CDH8: variants seen among roughly 807,000 people sequenced by gnomAD.
The protein encoded by CDH8 is cadherin-8.
In CDH8, 17 loss-of-function variants were observed where a neutral mutation model predicts 68.1. The observed-to-expected ratio is 0.25, with a 90% confidence interval of 0.17 to 0.37. The LOEUF is 0.37. CDH8 is among the 10% of genes least tolerant of loss of function. The pLI, the probability that CDH8 is intolerant of heterozygous loss-of-function variation, is 1.00. For synonymous variants in CDH8, 372 were observed against 365.1 expected (o/e 1.02, Z -0.21); for missense variants, 763 against 999.3 (o/e 0.76, Z 3.19).
At chr16:61,708,057 G>A (rs930596613) in intron 10 of CDH8, among the ~76,000 whole-genome samples, 20 of 152,062 alleles carry the variant, frequency 1.3e-4, no homozygotes, top group Admixed American at 6.6e-5. Flanking sequence ...AGAAAGCAAA[G>A]TACTCAAAGG....
intron 10 of CDH8, among the ~76,000 whole-genome samples, chr16:61,658,082 T>G (rs1963485543): frequency 6.6e-6 from 1 of 152,084 alleles, no homozygotes. Context: ...ACTCATCTAT[T>G]TTTGTTTTTG....
chr16:61,778,735 G>A (rs1186462332), intron 8 of CDH8, among the ~76,000 whole-genome samples: 1 of 152,096 alleles, frequency 6.6e-6, no homozygotes, highest in African/African-American at 2.4e-5. Flanking sequence ...AGGAAACTGA[G>A]AGTAAAAGAG....
rs993615683 is a variant in CDH8, at chr16:61,653,353, G to T, written c.*255C>A. 9 of 1,245,570 alleles carry T rather than the reference G, an allele frequency of 7.2e-6. No homozygotes were observed. Among genetic ancestry groups the T allele is most frequent in the South Asian group, 6.4e-5 (2 of 31,018 alleles). The allele number at this position is 1,245,570 out of a possible 1,614,324, so 77.2% of individuals were successfully genotyped here. On this transcript the variant is annotated 3_prime_UTR_variant, in exon 12 of 12. Transcript: ENST00000577390. ...CCCAATCTTTGTCTGTGGTGGTCAG[G>T]TAAATATCAAATATCCAAGGACTTC...
At chr16:61,741,014 TAAAG>T (rs1959859991) in intron 8 of CDH8, among the ~76,000 whole-genome samples, 1 of 152,178 alleles carries the variant, frequency 6.6e-6, no homozygotes, top group African/African-American at 2.4e-5. Flanking sequence ...AGCACTGTAC[TAAAG>T]ATCAAGCTGC....
intron 2 of CDH8, among the ~76,000 whole-genome samples, chr16:61,939,857 C>T (rs1046147208): frequency 6.6e-6 from 1 of 152,124 alleles, no homozygotes; most frequent in African/African-American, 2.4e-5. Context: ...CATTATTTGT[C>T]ACATGGCACA....
chr16:61,796,989 T>C (rs968453793), intron 7 of CDH8, among the ~76,000 whole-genome samples: 2 of 152,090 alleles, frequency 1.3e-5, no homozygotes, highest in African/African-American at 2.4e-5. Flanking sequence ...ACTGTTGATA[T>C]TAAATAGAAA....
chr16:61,745,038 A>G (rs1596924816), intron 8 of CDH8, among the ~76,000 whole-genome samples: 1 of 139,340 alleles, frequency 7.2e-6, no homozygotes, highest in Non-Finnish European at 1.5e-5. Flanking sequence ...TTTTTTTTTT[A>G]GAAAAATATA....
chr16:61,647,735 A>G lies in CDH8; in HGVS notation c.*5873T>C. 3 of 692,742 alleles carry G rather than the reference A, an allele frequency of 4.3e-6. No homozygotes were observed. Among genetic ancestry groups the G allele is most frequent in the Middle Eastern group, 2.3e-4 (1 of 4,266 alleles). The allele number at this position is 692,742 out of a possible 1,614,324, so 42.9% of individuals were successfully genotyped here. A position where few individuals can be genotyped will look rare whatever the true frequency, so the allele number is the denominator to read the frequency against. ...ATGGCCTGAAGTTCTTTGCATGTAC[A>G]GAAGAAATCCCAAGAAATTAACATT... On this transcript the variant is annotated 3_prime_UTR_variant, in exon 12 of 12. Coordinates refer to ENST00000577390, the MANE Select transcript of CDH8 (RefSeq NM_001796.5).
intron 10 of CDH8, among the ~76,000 whole-genome samples, chr16:61,706,414 G>C (rs933086806): frequency 6.6e-6 from 1 of 151,932 alleles, no homozygotes; most frequent in Non-Finnish European, 1.5e-5. Flanking sequence ...TCAGGAGATC[G>C]AGACCATCCT....
chr16:61,653,845 G>A lies in CDH8; in HGVS notation c.2163C>T (p.Val721=). The A allele has an allele frequency of 4.3e-6, 7 of 1,614,130 alleles. No individual in the cohort carries two copies. Among genetic ancestry groups the A allele is most frequent in the Non-Finnish European group, 5.9e-6 (7 of 1,180,026 alleles). ...GCAGCCTTACATTTATAAATTCATC[G>A]ACATCAACACCATTTGGAACTGGAG... ...GLAPVPNGVD[V]DEFINVRLHE... The change falls in exon 12 of 12, where the codon GTC becomes GTT. Residue 721 remains valine, a synonymous_variant. Coordinates refer to ENST00000577390, the MANE Select transcript of CDH8 (RefSeq NM_001796.5).
intron 2 of CDH8, among the ~76,000 whole-genome samples, chr16:61,954,486 G>C (rs2143603396): frequency 6.6e-6 from 1 of 152,160 alleles, no homozygotes. Flanking sequence ...TGGATCACAA[G>C]GTCAGGAGAT....
At chr16:61,727,339 T>C in intron 8 of CDH8, 124 bp from the exon 9 acceptor site, 2 of 971,722 alleles carry the variant, frequency 2.1e-6, no homozygotes, top group Non-Finnish European at 3.1e-6. Flanking sequence ...TTCAACATGG[T>C]GATTATAGAG....
At chr16:61,921,797 T>G (rs1964372577) in intron 2 of CDH8, among the ~76,000 whole-genome samples, 1 of 152,144 alleles carries the variant, frequency 6.6e-6, no homozygotes, top group African/African-American at 2.4e-5. Context: ...TTTGGGAGGC[T>G]GAGGCAGGCA....
At chr16:61,727,364 A>G in intron 8 of CDH8, 149 bp from the exon 9 acceptor site, 1 of 716,132 alleles carries the variant, frequency 1.4e-6, no homozygotes, top group Non-Finnish European at 2.2e-6. Flanking sequence ...ACCAAATAAG[A>G]AAAATAGCAA....
At chr16:61,701,674 G>A (rs552111987) in intron 10 of CDH8, among the ~76,000 whole-genome samples, 1 of 152,092 alleles carries the variant, frequency 6.6e-6, no homozygotes. Context: ...GCAAGATACG[G>A]GAAGAGCAAA....
In CDH8 at chr16:61,821,124, A is replaced by T; in HGVS notation, c.836-11T>A. 1 of 1,587,940 alleles carries T rather than the reference A, an allele frequency of 6.3e-7. No homozygotes were observed. The highest frequency in any genetic ancestry group is 8.6e-7 in the Non-Finnish European group (1 of 1,165,136). On this transcript the variant is annotated splice_polypyrimidine_tract_variant and intron_variant, in intron 5 of 11. Coordinates refer to ENST00000577390, the MANE Select transcript of CDH8 (RefSeq NM_001796.5). ...AGAAGTGATACAGGCCTTTAAAAAG[A>T]GGAGAAACAATGAGAGTCACACAAA...
At chr16:61,753,789 T>C (rs923317847) in intron 8 of CDH8, among the ~76,000 whole-genome samples, 1 of 152,144 alleles carries the variant, frequency 6.6e-6, no homozygotes, top group Non-Finnish European at 1.5e-5. Flanking sequence ...AATTAATATG[T>C]ACCATGTCAG....
At position 61,741,364 on chromosome 16, in the gene CDH8, T is replaced by C. The variant is rs1051460126; in HGVS notation, c.1415-14149A>G. On this transcript the variant is annotated intron_variant, in intron 8 of 11. Transcript: ENST00000577390. ...TTTTTCTTTCTCTTAGTAGTATCATTTGATGAGCATAAATTCTTAATTCAA... is the reference window on the plus strand; with the variant it reads ...TTTTTCTTTCTCTTAGTAGTATCATCTGATGAGCATAAATTCTTAATTCAA... Among the ~76,000 whole-genome samples the C allele has an allele frequency of 6.6e-5, 10 of 152,176 alleles. No homozygotes were observed. In the South Asian group the frequency reaches 1.2e-3, roughly 19 times the overall value.
At chr16:61,832,331 A>ATAG (rs1555513534) in intron 4 of CDH8, among the ~76,000 whole-genome samples, 2 of 143,082 alleles carry the variant, frequency 1.4e-5, no homozygotes, top group Non-Finnish European at 3.1e-5. Flanking sequence ...ACAGATAGAT[A>ATAG]ATAGATAGAT....
Sources: allele counts gnomAD v4.1 joint callset (sites outside exome capture counted in the v4.1 genomes callset), GRCh38; gene constraint gnomAD v4.1.1; transcripts MANE v1.5; gene names NCBI Gene and HGNC (gene_info 2026-07-23, HGNC 2026-07-21).